GRIK2: variants seen among roughly 807,000 people sequenced by gnomAD.
The protein encoded by GRIK2 is glutamate receptor ionotropic, kainate 2.
Under a neutral mutation model 100.3 loss-of-function variants are expected in GRIK2, and 32 were observed. That is an observed-to-expected ratio of 0.32 (90% CI 0.24 to 0.43). The LOEUF is 0.43. Among genes scored for constraint, GRIK2 ranks in the 20% least tolerant of loss-of-function variants. GRIK2 has a pLI of 1.00. For missense variants in GRIK2, 843 were observed against 1,114.9 expected (o/e 0.76, Z 3.47); for synonymous variants, 417 against 389.4 (o/e 1.07, Z -0.83).
chr6:101,617,765 A>G (rs368420115), intron 2 of GRIK2, among the ~76,000 whole-genome samples: 8 of 151,778 alleles, frequency 5.3e-5, no homozygotes, highest in African/African-American at 1.4e-4. Context: ...TTTTCTACCC[A>G]TATTTCTGTT....
intron 10 of GRIK2, among the ~76,000 whole-genome samples, chr6:101,849,772 T>C (rs777355529): frequency 1.3e-3 from 204 of 151,638 alleles, no homozygotes; most frequent in Non-Finnish European, 2.2e-3. Flanking sequence ...CATTATGTCT[T>C]TTTCATTTGG....
intron 15 of GRIK2, among the ~76,000 whole-genome samples, chr6:102,048,455 C>A (rs1771012676): frequency 6.6e-6 from 1 of 152,036 alleles, no homozygotes; most frequent in South Asian, 2.1e-4. Flanking sequence ...TTGCAAGCCA[C>A]ACACTCAATA....
In GRIK2 at chr6:101,507,895, A is replaced by G. The variant is rs142190857; in HGVS notation, c.115+108503A>G. On this transcript the variant is annotated intron_variant, in intron 2 of 16. Transcript: ENST00000369134. ...TTGGATCACAAGAGTTAGTGTTATC[A>G]TTATATTTCATAGCTTACATAAACA... Among the ~76,000 whole-genome samples the G allele has an allele frequency of 4.3e-4, 66 of 152,320 alleles. 1 individual carries two copies. The highest frequency in any genetic ancestry group is 1.6e-3 in the African/African-American group (65 of 41,574).
intron 14 of GRIK2, among the ~76,000 whole-genome samples, chr6:101,959,556 A>AT (rs950176635): frequency 4.0e-5 from 6 of 151,688 alleles, no homozygotes; most frequent in African/African-American, 1.4e-4. Context: ...GATCCTTTGT[A>AT]TTTTTTTGTT....
chr6:101,724,702 T>G (rs897786299), intron 7 of GRIK2, among the ~76,000 whole-genome samples: 2 of 152,008 alleles, frequency 1.3e-5, no homozygotes, highest in African/African-American at 4.8e-5. Context: ...TAATGAAAGA[T>G]GGTCCAGACA....
At chr6:101,863,265 A>G (rs1291113974) in intron 11 of GRIK2, among the ~76,000 whole-genome samples, 1 of 152,210 alleles carries the variant, frequency 6.6e-6, no homozygotes, top group Non-Finnish European at 1.5e-5. Context: ...CATTGCAGAG[A>G]TACTGAAAGA....
intron 7 of GRIK2, among the ~76,000 whole-genome samples, chr6:101,788,247 T>C (rs892752620): frequency 6.6e-6 from 1 of 151,680 alleles, no homozygotes; most frequent in East Asian, 1.9e-4. Flanking sequence ...TTAGGGTACA[T>C]GTGCACAATG....
chr6:101,452,117 T>C (rs1209747066), intron 2 of GRIK2, among the ~76,000 whole-genome samples: 1 of 151,786 alleles, frequency 6.6e-6, no homozygotes, highest in African/African-American at 2.4e-5. Flanking sequence ...AAGGCTAAAA[T>C]AGTATTTTCA....
intron 2 of GRIK2, among the ~76,000 whole-genome samples, chr6:101,418,269 CATA>C (rs1312680673): frequency 6.6e-6 from 1 of 152,194 alleles, no homozygotes; most frequent in Non-Finnish European, 1.5e-5. Flanking sequence ...TCCATTTAAA[CATA>C]ATCCTAGAAT....
At chr6:101,458,751 C>A (rs985639897) in intron 2 of GRIK2, among the ~76,000 whole-genome samples, 7 of 152,116 alleles carry the variant, frequency 4.6e-5, no homozygotes, top group African/African-American at 7.2e-5. Context: ...GAATTGGGCT[C>A]CTCGTGAAGA....
At chr6:101,507,412 C>A (rs559359501) in intron 2 of GRIK2, among the ~76,000 whole-genome samples, 1 of 152,070 alleles carries the variant, frequency 6.6e-6, no homozygotes, top group South Asian at 2.1e-4. Context: ...AGAAATATTT[C>A]CTACTATCGA....
intron 2 of GRIK2, among the ~76,000 whole-genome samples, chr6:101,586,892 C>CAAAAAAAAAAAAAAAAAAAAAAAAAAAAA (rs1199378638): frequency 1.9e-5 from 1 of 53,970 alleles, no homozygotes; most frequent in African/African-American, 5.9e-5. Flanking sequence ...TCTGTCTTAA[C>CAAAAAAAAAAAAAAAAAAAAAAAAAAAAA]AAAAAAAAAA....
At chr6:101,448,045 C>T (rs1001022150) in intron 2 of GRIK2, among the ~76,000 whole-genome samples, 1 of 151,574 alleles carries the variant, frequency 6.6e-6, no homozygotes, top group Non-Finnish European at 1.5e-5. Context: ...ATGTAGGCAG[C>T]CAGATCAAGC....
chr6:101,583,896 G>A (rs1778221052), intron 2 of GRIK2, among the ~76,000 whole-genome samples: 1 of 152,024 alleles, frequency 6.6e-6, no homozygotes, highest in South Asian at 2.1e-4. Context: ...CTCTGGCAGA[G>A]AAAATTAAAA....
intron 14 of GRIK2, among the ~76,000 whole-genome samples, chr6:101,976,675 G>C (rs1793398643): frequency 6.6e-6 from 1 of 151,788 alleles, no homozygotes; most frequent in Admixed American, 6.6e-5. Flanking sequence ...AGGTGACAAA[G>C]AGACATCCTG....
intron 2 of GRIK2, among the ~76,000 whole-genome samples, chr6:101,559,679 GA>G (rs1457894889): frequency 6.6e-6 from 1 of 151,992 alleles, no homozygotes; most frequent in Non-Finnish European, 1.5e-5. Flanking sequence ...TAATAGCAAT[GA>G]AAGAGAAATT....
intron 7 of GRIK2, among the ~76,000 whole-genome samples, chr6:101,754,076 G>T (rs1262936363): frequency 5.3e-5 from 8 of 151,876 alleles, no homozygotes; most frequent in African/African-American, 1.9e-4. Context: ...TGCTGGAGAA[G>T]AAATATCACA....
intron 7 of GRIK2, chr6:101,744,455 T>C (rs1266775587): frequency 1.3e-5 from 2 of 149,370 alleles, no homozygotes; most frequent in African/African-American, 4.9e-5. Context: ...TGAATGCCAT[T>C]ATTTCATTCT....
At chr6:101,625,189 T>G (rs62421386) in intron 3 of GRIK2, among the ~76,000 whole-genome samples, 1 of 151,610 alleles carries the variant, frequency 6.6e-6, no homozygotes, top group Non-Finnish European at 1.5e-5. Flanking sequence ...CTGGCTAACA[T>G]GGTGAAACCC....
Sources: allele counts gnomAD v4.1 joint callset (sites outside exome capture counted in the v4.1 genomes callset), GRCh38; gene constraint gnomAD v4.1.1; transcripts MANE v1.5; gene names NCBI Gene and HGNC (gene_info 2026-07-23, HGNC 2026-07-21).